Variants in CCDC169 observed in about 807,000 individuals in gnomAD.
CCDC169 encodes the protein coiled-coil domain containing 169.
A neutral mutation model predicts 36.0 loss-of-function variants in CCDC169; 30 were observed. The observed-to-expected ratio is 0.83, with a 90% CI of 0.62 to 1.13. The LOEUF is 1.13. Ranked by LOEUF, CCDC169 falls within the 50% of genes most tolerant of loss-of-function variation. CCDC169 has a pLI of 0.00. For synonymous variants in CCDC169, 85 were observed against 81.5 expected, an observed-to-expected ratio of 1.04 and a Z score of -0.23; for missense variants, 245 against 245.9, an observed-to-expected ratio of 1.00 and a Z score of 0.03.
At chr13:36,250,004 T>A (rs538598167) in intron 6 of CCDC169, among the ~76,000 whole-genome samples, 4 of 152,274 alleles carry the variant, frequency 2.6e-5, no homozygotes, top group African/African-American at 9.6e-5. Context: ...ATGCTGCCAC[T>A]ACATTAAGCA....
At chr13:36,263,716 A>G (rs1193949364) in intron 4 of CCDC169, among the ~76,000 whole-genome samples, 1 of 152,198 alleles carries the variant, frequency 6.6e-6, no homozygotes, top group Non-Finnish European at 1.5e-5. Flanking sequence ...TTCTTCAAAA[A>G]TTAATTACAC....
In CCDC169 at chr13:36,245,378, C is replaced by A. The variant is rs908998616; in HGVS notation, c.545+3228G>T. Among the ~76,000 whole-genome samples the A allele has an allele frequency of 2.6e-5, 4 of 151,964 alleles. No individual in the cohort carries two copies. In the East Asian group the frequency reaches 7.7e-4, roughly 29 times the overall value. On this transcript the variant is annotated intron_variant, in intron 7 of 7. Coordinates refer to ENST00000239859, the MANE Select transcript of CCDC169 (RefSeq NM_001144981.3). ...GCAGTGGTGCAATCGTGGCTCACTGCAGCCTTGAACTCCTGGGCTCAGGTG... is the reference window on the plus strand; with the variant it reads ...GCAGTGGTGCAATCGTGGCTCACTGAAGCCTTGAACTCCTGGGCTCAGGTG...
intron 4 of CCDC169, among the ~76,000 whole-genome samples, chr13:36,260,133 C>A (rs1229493864): frequency 6.6e-6 from 1 of 152,228 alleles, no homozygotes; most frequent in East Asian, 1.9e-4. Flanking sequence ...GAGAAGATTG[C>A]AGCTTATAGA....
exon 7 of CCDC169, chr13:36,222,072 G>T (rs563926977): frequency 6.6e-6 from 1 of 152,044 alleles, no homozygotes; most frequent in African/African-American, 2.4e-5. Context: ...TTTACTTCTG[G>T]CTTTGAGAGT....
At chr13:36,223,459 C>T (rs1869714440), downstream of CCDC169, 1 of 152,182 alleles carries the variant, frequency 6.6e-6, no homozygotes. Flanking sequence ...GTTAAATGAA[C>T]TCTACAAATT....
intron 4 of CCDC169, among the ~76,000 whole-genome samples, chr13:36,256,617 G>T (rs1873915663): frequency 6.6e-6 from 1 of 152,172 alleles, no homozygotes; most frequent in African/African-American, 2.4e-5. Context: ...AGTCACGTCT[G>T]AAGGGAAGGC....
chr13:36,251,175 A>T (rs1184037), intron 6 of CCDC169, among the ~76,000 whole-genome samples: 22 of 151,974 alleles, frequency 1.4e-4, no homozygotes, highest in Non-Finnish European at 2.2e-4. Flanking sequence ...AGTGAGACAA[A>T]GCTACAGAGA....
chr13:36,254,270 ATGTACTTT>A, intron 4 of CCDC169, 127 bp from the exon 5 acceptor site: 1 of 460,736 alleles, frequency 2.2e-6, no homozygotes, highest in African/African-American at 2.1e-5. Context: ...ATTCTATGAT[ATGTACTTT>A]TTTTTTTTTT....
At chr13:36,268,066 T>C (rs1260422493) in intron 4 of CCDC169, among the ~76,000 whole-genome samples, 1 of 152,108 alleles carries the variant, frequency 6.6e-6, no homozygotes, top group Non-Finnish European at 1.5e-5. Context: ...TAGACAGATC[T>C]TTCAGACAGA....
chr13:36,278,394 T>C (rs1168060688), intron 4 of CCDC169, among the ~76,000 whole-genome samples: 2 of 152,110 alleles, frequency 1.3e-5, no homozygotes, highest in African/African-American at 4.8e-5. Context: ...GGAAAATAGG[T>C]TATACTCAGT....
chr13:36,248,944 A>G (rs1872810998), intron 6 of CCDC169, among the ~76,000 whole-genome samples: 1 of 152,184 alleles, frequency 6.6e-6, no homozygotes, highest in Non-Finnish European at 1.5e-5. Context: ...CATATCACCT[A>G]TGTGGTATAG....
chr13:36,255,659 T>TTAAAAA (rs564217685), intron 4 of CCDC169, among the ~76,000 whole-genome samples: 2 of 124,594 alleles, frequency 1.6e-5, no homozygotes, highest in Non-Finnish European at 3.3e-5. Flanking sequence ...CAAGGCTCCA[T>TTAAAAA]AAAAAAAAAA....
At chr13:36,281,515 A>T (rs1323206112) in intron 4 of CCDC169, among the ~76,000 whole-genome samples, 1 of 152,184 alleles carries the variant, frequency 6.6e-6, no homozygotes, top group Non-Finnish European at 1.5e-5. Flanking sequence ...ACTCTCACTT[A>T]TGTGAATAAT....
At chr13:36,230,421 T>C (rs151239992), downstream of CCDC169, among the ~76,000 whole-genome samples, 990 of 152,348 alleles carry the variant, frequency 6.5e-3, 13 homozygotes, top group African/African-American at 0.023. Flanking sequence ...CCTCATTCTA[T>C]CTCCACATCT....
chr13:36,283,921 C>A (rs1262103046), intron 2 of CCDC169, among the ~76,000 whole-genome samples: 1 of 152,148 alleles, frequency 6.6e-6, no homozygotes, highest in Non-Finnish European at 1.5e-5. Flanking sequence ...AACAGCCAAA[C>A]CTTATCACAA....
intron 7 of CCDC169, among the ~76,000 whole-genome samples, chr13:36,246,759 C>G (rs1022254984): frequency 5.3e-5 from 8 of 152,202 alleles, no homozygotes; most frequent in African/African-American, 1.9e-4. Context: ...GTACACAAAA[C>G]AGCCTTCTGT....
intron 4 of CCDC169, among the ~76,000 whole-genome samples, chr13:36,265,165 G>C (rs9565994): frequency 6.6e-6 from 1 of 151,952 alleles, no homozygotes; most frequent in Non-Finnish European, 1.5e-5. Flanking sequence ...ACAGATCTCA[G>C]TTGTGACCGT....
intron 4 of CCDC169, among the ~76,000 whole-genome samples, chr13:36,270,456 T>G (rs190077419): frequency 6.6e-6 from 1 of 151,942 alleles, no homozygotes; most frequent in East Asian, 1.9e-4. Flanking sequence ...AGAGCCCAAA[T>G]AGCCAAAGCA....
chr13:36,245,409 C>A (rs1186088992), intron 7 of CCDC169, among the ~76,000 whole-genome samples: 1 of 151,998 alleles, frequency 6.6e-6, no homozygotes, highest in Non-Finnish European at 1.5e-5. Flanking sequence ...AGGTGATCCT[C>A]CTGTCTCAGC....
Sources: allele counts gnomAD v4.1 joint callset (sites outside exome capture counted in the v4.1 genomes callset), GRCh38; gene constraint gnomAD v4.1.1; transcripts MANE v1.5; gene names NCBI Gene and HGNC (gene_info 2026-07-23, HGNC 2026-07-21).